The following CNTNAP1 variants were observed in gnomAD, a reference collection of about 807,000 sequenced individuals.
CNTNAP1 encodes the protein contactin-associated protein 1.
CNTNAP1 carries 80 observed loss-of-function variants against 161.5 expected under a neutral mutation model. The observed-to-expected ratio is 0.50, with a 90% CI of 0.41 to 0.60. The LOEUF (loss-of-function observed/expected upper bound fraction) is 0.60, where lower values mean the gene tolerates loss of function less well. Among genes scored for constraint, CNTNAP1 ranks in the 20% least tolerant of loss-of-function variants. The pLI is 0.00. For synonymous variants in CNTNAP1, 695 were observed against 733.1 expected, an observed-to-expected ratio of 0.95 and a Z score of 0.84; for missense variants, 1,464 against 1,854.8, an observed-to-expected ratio of 0.79 and a Z score of 3.87.
chr17:42,686,620 A>G (rs891978478), intron 6 of CNTNAP1, among the ~76,000 whole-genome samples: 2 of 152,072 alleles, frequency 1.3e-5, no homozygotes, highest in Admixed American at 6.6e-5. Context: ...ATCCTCCCAC[A>G]ACTTTGTGGA....
At position 42,695,760 on chromosome 17, in the gene CNTNAP1, A is replaced by G; in HGVS notation, c.3232A>G (p.Asn1078Asp). ...GCCCGGTTACCGTGGGCCTGTCTAC[A>G]ACGTTACGGGAGAGGAGGTCTCCTT... is the stretch of plus-strand genomic sequence containing the variant. ...PVPGYRGPVYNVTGEEVSFSF... is the reference protein window; with the variant it reads ...PVPGYRGPVYDVTGEEVSFSF... The change falls in exon 19 of 24, where the codon AAC becomes GAC. Residue 1078 changes from asparagine (N) to aspartate (D), a missense_variant. Around this residue, in one of 3 missense-constraint regions of CNTNAP1, gnomAD observed 1,383 missense variants for 1,765.0 expected, o/e 0.78. Transcript: ENST00000264638. The G allele has an allele frequency of 6.2e-7, 1 of 1,614,152 alleles. No homozygotes were observed. Among genetic ancestry groups the G allele is most frequent in the East Asian group, 2.2e-5 (1 of 44,884 alleles).
chr17:42,689,729 G>C, intron 11 of CNTNAP1, 102 bp downstream of exon 11: 1 of 956,538 alleles, frequency 1.0e-6, no homozygotes, highest in South Asian at 1.4e-5. Flanking sequence ...GGCCCTTCCA[G>C]CCCTCTCGCT....
At position 42,685,380 on chromosome 17, in the gene CNTNAP1, C is replaced by G; in HGVS notation, c.675C>G (p.Leu225=). 6.2e-7 allele frequency: 1 copy of G among 1,605,864 alleles called. No homozygotes were observed. The highest frequency in any genetic ancestry group is 8.5e-7 in the Non-Finnish European group (1 of 1,179,942). The change falls in exon 5 of 24, where the codon CTC becomes CTG. Residue 225 remains leucine (L), a synonymous_variant. Transcript: ENST00000264638. The surrounding 1 kb of genome is among the most constrained non-coding windows in gnomAD (Gnocchi z 5.0). ...GCGCCCAGGGCGACTACGTGACGCT[C>G]GAGCTGGAGGGGGCACACCTGCTGC... is the stretch of plus-strand genomic sequence containing the variant. ...AEGAQGDYVT[L]ELEGAHLLLH...
At chr17:42,696,003 A>C (rs1225718071) in intron 19 of CNTNAP1, 22 bp from the exon 20 acceptor site, 1 of 1,612,048 alleles carries the variant, frequency 6.2e-7, no homozygotes, top group Non-Finnish European at 8.5e-7. Context: ...GAGACCCCAA[A>C]TTTCTTCTCC....
chr17:42,690,261 A>C, intron 12 of CNTNAP1, 54 bp downstream of exon 12: 3 of 1,601,972 alleles, frequency 1.9e-6, no homozygotes, highest in Non-Finnish European at 2.6e-6. Flanking sequence ...GGAAGGATAG[A>C]GTGGTGGGTG....
In CNTNAP1 at chr17:42,696,023, A is replaced by G; in HGVS notation, c.3347-2A>G. 6.2e-7 allele frequency: 1 copy of G among 1,614,020 alleles called. No homozygotes were observed. Among genetic ancestry groups the G allele is most frequent in the Non-Finnish European group, 8.5e-7 (1 of 1,179,980 alleles). On this transcript the variant is annotated splice_acceptor_variant, in intron 19 of 23. Transcript: ENST00000264638. LOFTEE classifies it high-confidence loss of function. ...CCCAAATTTCTTCTCCCCACCCCAC[A>G]GGGACCCTTCAGCTGCGATATCAGC... is the stretch of plus-strand genomic sequence containing the variant.
Position 42,687,881 on chromosome 17 carries a change from T to C in CNTNAP1, c.1206T>C (p.Arg402=). The C allele has an allele frequency of 6.2e-7, 1 of 1,614,142 alleles. No individual in the cohort carries two copies. The highest frequency in any genetic ancestry group is 8.5e-7 in the Non-Finnish European group (1 of 1,180,012). Residue 402 remains arginine (R), a synonymous_variant, in exon 8 of 24, where the codon CGT becomes CGC. Transcript: ENST00000264638. The surrounding 1 kb of genome is among the most constrained non-coding windows in gnomAD (Gnocchi z 4.7). The part of the protein sequence containing the change: ...WDLTGLLLFS[R]LGDGLGHVEL... Reference sequence around the variant, plus strand: ...TCACCGGGCTTCTCCTTTTCTCCCGTCTGGGGGACGGGCTGGGCCACGTGG... The same window carrying C: ...TCACCGGGCTTCTCCTTTTCTCCCGCCTGGGGGACGGGCTGGGCCACGTGG...
Position 42,687,833 on chromosome 17 carries a change from A to C in CNTNAP1, c.1158A>C (p.Ser386=). The C allele has an allele frequency of 6.2e-7, 1 of 1,614,060 alleles. No homozygotes were observed. The highest frequency in any genetic ancestry group is 8.5e-7 in the Non-Finnish European group (1 of 1,180,022). ...GFPRRGRLAV[S]FRFRTWDLTG... is the part of the protein sequence containing the mutation. Reference sequence around the variant, plus strand: ...CACGCCGTGGCCGCCTGGCAGTCTCATTTCGCTTCCGCACCTGGGACCTCA... The same window carrying C: ...CACGCCGTGGCCGCCTGGCAGTCTCCTTTCGCTTCCGCACCTGGGACCTCA... The change falls in exon 8 of 24, where the codon TCA becomes TCC. Residue 386 remains serine (S), a synonymous_variant. Transcript: ENST00000264638. This position sits in a 1 kb window ranked among gnomAD's most constrained non-coding sequence, Gnocchi z 4.7.
Position 42,693,337 on chromosome 17 carries a change from G to C in CNTNAP1, c.2793G>C (p.Leu931Phe), listed in dbSNP as rs1482650138. The change falls in exon 18 of 24, where the codon TTG becomes TTC. Residue 931 changes from leucine to phenylalanine, a missense_variant. Coordinates refer to ENST00000264638, the MANE Select transcript of CNTNAP1 (RefSeq NM_003632.3). ...AGAGACGCCCCTTTGTGGGTTGCTT[G>C]AGGGCCATGCGTCTGAACGGAGTGA... ...ELKRRPFVGC[L>F]RAMRLNGVTL... The C allele has an allele frequency of 1.2e-6, 2 of 1,614,114 alleles. No individual in the cohort carries two copies. Among genetic ancestry groups the C allele is most frequent in the Non-Finnish European group, 1.7e-6 (2 of 1,180,046 alleles).
chr17:42,690,871 C>T lies in CNTNAP1; in HGVS notation c.1988C>T (p.Ala663Val), dbSNP rs763917751. Residue 663 changes from alanine to valine, a missense_variant, in exon 13 of 24, where the codon GCC (alanine) becomes GTC (valine). Around this residue, in one of 3 missense-constraint regions of CNTNAP1, gnomAD observed 1,383 missense variants for 1,765.0 expected, o/e 0.78. Transcript: ENST00000264638. Reference sequence around the variant, plus strand: ...TCCTGGGAGGAAGTCAGTGCCCTTGCCAATGCTTCCCAGCATTGTGAACAG... The same window carrying T: ...TCCTGGGAGGAAGTCAGTGCCCTTGTCAATGCTTCCCAGCATTGTGAACAG... ...NASWEEVSAL[A>V]NASQHCEQWI... 8.1e-6 allele frequency: 13 copies of T among 1,614,104 alleles called. No homozygotes were observed. In the Admixed American group the frequency reaches 1.2e-4, roughly 14 times the overall value.
At chr17:42,693,225 C>T (rs1459784841) in intron 17 of CNTNAP1, 72 bp from the exon 18 acceptor site, 1 of 1,577,660 alleles carries the variant, frequency 6.3e-7, no homozygotes, top group Non-Finnish European at 8.7e-7. Flanking sequence ...TCCCAAAGTG[C>T]TGGGATTACA....
rs1400184247 is a variant in CNTNAP1, at chr17:42,689,553, G to A, written c.1661G>A (p.Arg554His). 5 of 1,613,712 alleles carry A rather than the reference G, an allele frequency of 3.1e-6. No homozygotes were observed. Among genetic ancestry groups the A allele is most frequent in the East Asian group, 4.5e-5 (2 of 44,836 alleles). ...CSPNMCEHDG[R>H]CYQSWDDFIC... is the part of the protein sequence containing the mutation. ...CCTAACATGTGTGAGCATGATGGAC[G>A]CTGCTACCAGTCTTGGGATGACTTC... Residue 554 changes from arginine (R) to histidine (H), a missense_variant, in exon 11 of 24, where the codon CGC (arginine) becomes CAC (histidine). Coordinates refer to ENST00000264638, the MANE Select transcript of CNTNAP1 (RefSeq NM_003632.3).
chr17:42,696,140 C>T lies in CNTNAP1; in HGVS notation c.3462C>T (p.Asn1154=), dbSNP rs781282491. 6.9e-5 allele frequency: 111 copies of T among 1,614,012 alleles called. No individual in the cohort carries two copies. The highest frequency in any genetic ancestry group is 8.7e-5 in the Non-Finnish European group (103 of 1,180,040). The change falls in exon 20 of 24, where the codon AAC becomes AAT. Residue 1154 remains asparagine, a synonymous_variant. Transcript: ENST00000264638. The stretch of plus-strand genomic sequence containing the variant: ...TCAATATCACCCGTGTTTACCGGAA[C>T]CTCTTCATCCAGGTATGCATAGAGG... The part of the protein sequence containing the change: ...HSINITRVYR[N]LFIQVDYFPL...
At chr17:42,696,265 G>C in intron 20 of CNTNAP1, 113 bp downstream of exon 20, 1 of 1,353,696 alleles carries the variant, frequency 7.4e-7, no homozygotes, top group Non-Finnish European at 1.0e-6. Flanking sequence ...AATGTATAGA[G>C]GATTTTCACG....
Position 42,687,906 on chromosome 17 carries a change from G to A in CNTNAP1, c.1231G>A (p.Glu411Lys). The A allele has an allele frequency of 6.2e-7, 1 of 1,614,226 alleles. No individual in the cohort carries two copies. Among genetic ancestry groups the A allele is most frequent in the Non-Finnish European group, 8.5e-7 (1 of 1,180,048 alleles). Residue 411 changes from glutamate to lysine, a missense_variant, in exon 8 of 24, where the codon GAG becomes AAG. Glu to Lys is a moderately conservative substitution (Grantham distance 56). Transcript: ENST00000264638. This position sits in a 1 kb window ranked among gnomAD's most constrained non-coding sequence, Gnocchi z 4.7. ...TCTGGGGGACGGGCTGGGCCACGTG[G>A]AGCTGACGCTCAGCGAAGGGCAGGT... The part of the protein sequence containing the change: ...SRLGDGLGHV[E>K]LTLSEGQVNV...
chr17:42,690,315 G>A, intron 12 of CNTNAP1, 108 bp downstream of exon 12: 2 of 1,358,928 alleles, frequency 1.5e-6, no homozygotes, highest in Non-Finnish European at 1.0e-6. Flanking sequence ...GAGGACAGAG[G>A]GGAAGGGCAT....
Position 42,691,722 on chromosome 17 carries a change from C to T in CNTNAP1, c.2345-84C>T. ...CCTCAAACCCTCCCCCTTTGCCCAA[C>T]CTTCCCTGCCCCCAACCCCAGGTTC... On this transcript the variant is annotated intron_variant, in intron 15 of 23. Transcript: ENST00000264638. This position sits in a 1 kb window ranked among gnomAD's most constrained non-coding sequence, Gnocchi z 4.3. The T allele has an allele frequency of 2.7e-6, 4 of 1,476,022 alleles. No individual in the cohort carries two copies. The South Asian group carries it at 3.6e-5, about 13-fold the overall frequency. 91.4% of individuals were successfully genotyped at this position (1,476,022 alleles called of 1,614,324 possible). A position where few individuals can be genotyped will look rare whatever the true frequency, so the allele number is the denominator to read the frequency against.
At position 42,683,919 on chromosome 17, in the gene CNTNAP1, C is replaced by A; in HGVS notation, c.166C>A (p.His56Asn). The A allele has an allele frequency of 6.2e-7, 1 of 1,613,890 alleles. No individual in the cohort carries two copies. Among genetic ancestry groups the A allele is most frequent in the Non-Finnish European group, 8.5e-7 (1 of 1,179,940 alleles). Residue 56 changes from histidine to asparagine, a missense_variant, in exon 2 of 24, where the codon CAC (histidine) becomes AAC (asparagine). Coordinates refer to ENST00000264638, the MANE Select transcript of CNTNAP1 (RefSeq NM_003632.3). ...TACTGCGCCGAGATTCGCCAGGCTGCACGGTGAGCTCCGCGGAACATCAGC... is the reference window on the plus strand; with the variant it reads ...TACTGCGCCGAGATTCGCCAGGCTGAACGGTGAGCTCCGCGGAACATCAGC... ...LLTAPRFARL[H>N]GISGWSPRIG...
chr17:42,686,783 T>C, intron 6 of CNTNAP1, 120 bp from the exon 7 acceptor site: 1 of 1,201,912 alleles, frequency 8.3e-7, no homozygotes, highest in Non-Finnish European at 1.2e-6. Context: ...TGGGGAAATG[T>C]GTGTTTTAAG....
Sources: gnomAD v4.1 joint callset for allele counts (sites outside exome capture counted in the v4.1 genomes callset) on GRCh38, gnomAD v4.1.1 for gene constraint, gnomAD v4.1.1 regional missense constraint, Gnocchi (gnomAD v3.1) non-coding constraint, MANE v1.5 for transcripts, NCBI Gene and HGNC (gene_info 2026-07-23, HGNC 2026-07-21) for gene names.